GRIP1: variants seen among roughly 807,000 people sequenced by gnomAD.
GRIP1 encodes the protein glutamate receptor-interacting protein 1.
A neutral mutation model predicts 129.9 loss-of-function variants in GRIP1; 45 were observed. The ratio of observed to expected loss-of-function variants is 0.35; its 90% CI spans 0.27 to 0.44. GRIP1 has a LOEUF of 0.44. Among genes scored for constraint, GRIP1 ranks in the 20% least tolerant of loss-of-function variants. GRIP1 has a pLI of 1.00. For missense variants in GRIP1, 1,196 were observed against 1,396.8 expected (o/e 0.86, Z 2.29); for synonymous variants, 530 against 520.8 (o/e 1.02, Z -0.24).
intron 7 of GRIP1, among the ~76,000 whole-genome samples, chr12:66,476,007 A>G (rs2059596217): frequency 1.3e-5 from 2 of 152,220 alleles, no homozygotes; most frequent in South Asian, 4.1e-4. Context: ...AAGGCAAGAA[A>G]TAACTAAGAT....
chr12:66,349,828 T>C (rs1324569765), intron 24 of GRIP1, among the ~76,000 whole-genome samples: 1 of 115,956 alleles, frequency 8.6e-6, no homozygotes, highest in East Asian at 2.8e-4. Context: ...CTAAGAAAAT[T>C]TTTTTAAAAA....
intron 1 of GRIP1, among the ~76,000 whole-genome samples, chr12:66,764,863 A>G (rs1029728906): frequency 2.0e-5 from 3 of 152,208 alleles, no homozygotes; most frequent in Non-Finnish European, 4.4e-5. Context: ...TGTAAAACGT[A>G]ACAATAACAA....
intron 1 of GRIP1, among the ~76,000 whole-genome samples, chr12:66,889,670 A>G (rs937290608): frequency 6.6e-6 from 1 of 152,212 alleles, no homozygotes; most frequent in Non-Finnish European, 1.5e-5. Context: ...CAAAGTTAAT[A>G]TCAATTTTCT....
chr12:66,697,848 A>T (rs1184784171), intron 1 of GRIP1, among the ~76,000 whole-genome samples: 3 of 152,200 alleles, frequency 2.0e-5, no homozygotes, highest in Non-Finnish European at 2.9e-5. Context: ...TCTATATATT[A>T]GACAAATGGC....
chr12:66,892,584 A>T (rs2040679757), intron 1 of GRIP1, among the ~76,000 whole-genome samples: 1 of 151,266 alleles, frequency 6.6e-6, no homozygotes, highest in Non-Finnish European at 1.5e-5. Flanking sequence ...TTACTCACTT[A>T]TATATATATA....
At chr12:66,803,405 G>GC (rs1468659764) in intron 1 of GRIP1, among the ~76,000 whole-genome samples, 1 of 152,100 alleles carries the variant, frequency 6.6e-6, no homozygotes. Flanking sequence ...AACTTAAAGC[G>GC]CTGACAGATA....
In GRIP1 at chr12:66,679,028, CA is replaced by C; in HGVS notation, c.-125del. ...GAAAGGTAGTCCCAGTGGGGAGTGA[CA>C]AAGCTTAATTCCTCTTGGCTGATGC... On this transcript the variant is annotated 5_prime_UTR_variant, in exon 1 of 25. It removes the in-frame stop codon of an upstream open reading frame in the 5' UTR. Coordinates refer to ENST00000359742, the MANE Select transcript of GRIP1 (RefSeq NM_001366722.1). The C allele has an allele frequency of 6.4e-7, 1 of 1,564,358 alleles. No homozygotes were observed. The highest frequency in any genetic ancestry group is 1.9e-5 in the Admixed American group (1 of 53,520).
intron 2 of GRIP1, among the ~76,000 whole-genome samples, chr12:66,588,237 A>C (rs898808418): frequency 6.6e-6 from 1 of 152,200 alleles, no homozygotes. Context: ...TCTGAAAGGC[A>C]TAAGTGTATG....
rs866885640 is a variant in GRIP1, at chr12:66,435,997, C to T, written c.1688-3369G>A. ...TTTAATTTGGGGTTTCTTAAAGAAA[C>T]ACTAGTAAAGAGGAAAAGGTCCAAT... On this transcript the variant is annotated intron_variant, in intron 13 of 24. Coordinates refer to ENST00000359742, the MANE Select transcript of GRIP1 (RefSeq NM_001366722.1). Among the ~76,000 whole-genome samples the T allele has an allele frequency of 5.3e-5, 8 of 152,122 alleles. No individual in the cohort carries two copies. The South Asian group carries it at 8.3e-4, about 16-fold the overall frequency.
chr12:66,803,038 C>T (rs1175672819), intron 1 of GRIP1, among the ~76,000 whole-genome samples: 1 of 152,152 alleles, frequency 6.6e-6, no homozygotes, highest in Non-Finnish European at 1.5e-5. Context: ...TCATCAATCG[C>T]AACAGAATTT....
chr12:66,986,988 G>C (rs1467997539), intron 1 of GRIP1, among the ~76,000 whole-genome samples: 1 of 152,098 alleles, frequency 6.6e-6, no homozygotes, highest in African/African-American at 2.4e-5. Context: ...AACTTTACCT[G>C]TTTAGGGTCC....
chr12:66,786,718 G>C (rs2038357315), intron 1 of GRIP1, among the ~76,000 whole-genome samples: 1 of 152,130 alleles, frequency 6.6e-6, no homozygotes, highest in Admixed American at 6.5e-5. Flanking sequence ...TGACTCCCAA[G>C]GGTCCTCACA....
At chr12:66,718,808 T>C (rs1307786837) in intron 1 of GRIP1, among the ~76,000 whole-genome samples, 4 of 152,078 alleles carry the variant, frequency 2.6e-5, no homozygotes, top group Admixed American at 6.6e-5. Context: ...GTCAAGATTA[T>C]GCCATTGCAC....
intron 23 of GRIP1, among the ~76,000 whole-genome samples, chr12:66,369,356 T>C (rs946773155): frequency 5.1e-5 from 7 of 136,538 alleles, no homozygotes; most frequent in African/African-American, 1.8e-4. Flanking sequence ...TTTTTTTTTT[T>C]TTTTTTTTTA....
chr12:66,687,360 G>T (rs2034821311), intron 1 of GRIP1, among the ~76,000 whole-genome samples: 1 of 152,056 alleles, frequency 6.6e-6, no homozygotes, highest in Non-Finnish European at 1.5e-5. Context: ...TGGAAAGTAA[G>T]GAAAAGGAAA....
chr12:66,405,369 C>T (rs192646422), intron 16 of GRIP1, among the ~76,000 whole-genome samples: 48 of 152,326 alleles, frequency 3.2e-4, no homozygotes, highest in African/African-American at 9.9e-4. Flanking sequence ...TAATTCCCCA[C>T]ATTAGCTGAC....
chr12:66,470,206 T>C (rs2059399122), intron 7 of GRIP1, among the ~76,000 whole-genome samples: 2 of 152,154 alleles, frequency 1.3e-5, no homozygotes, highest in Non-Finnish European at 2.9e-5. Context: ...CCACAGCTGT[T>C]CTGGTAATGG....
At chr12:67,027,008 G>C (rs955392194) in intron 1 of GRIP1, among the ~76,000 whole-genome samples, 1 of 152,074 alleles carries the variant, frequency 6.6e-6, no homozygotes, top group Non-Finnish European at 1.5e-5. Context: ...CTACAGCCTC[G>C]ACCTCCAGGG....
At chr12:66,370,692 AAT>A (rs963437321) in intron 23 of GRIP1, among the ~76,000 whole-genome samples, 1 of 152,200 alleles carries the variant, frequency 6.6e-6, no homozygotes, top group African/African-American at 2.4e-5. Flanking sequence ...ATTAACAAAA[AAT>A]AAAGCACTCA....
Sources: gnomAD v4.1 joint callset for allele counts (sites outside exome capture counted in the v4.1 genomes callset) on GRCh38, gnomAD v4.1.1 for gene constraint, MANE v1.5 for transcripts, NCBI Gene and HGNC (gene_info 2026-07-23, HGNC 2026-07-21) for gene names.